Variants in SYNJ1 observed in about 807,000 individuals in gnomAD.
The protein encoded by SYNJ1 is synaptojanin 1.
Under a neutral mutation model 168.2 loss-of-function variants are expected in SYNJ1, and 78 were observed. The observed-to-expected ratio is 0.46, with a 90% confidence interval of 0.39 to 0.56. The LOEUF is 0.56. Among genes scored for constraint, SYNJ1 ranks in the 20% least tolerant of loss-of-function variants. The pLI is 0.00. For synonymous variants in SYNJ1, 539 were observed against 548.6 expected (o/e 0.98, Z 0.24); for missense variants, 1,303 against 1,597.6 (o/e 0.82, Z 3.14).
At chr21:32,709,084 A>C (rs1374741537) in intron 2 of SYNJ1, among the ~76,000 whole-genome samples, 4 of 152,254 alleles carry the variant, frequency 2.6e-5, no homozygotes, top group Admixed American at 2.6e-4. Context: ...TCACAGAACA[A>C]TTAAAAAGCT....
At position 32,639,162 on chromosome 21, in the gene SYNJ1, C is replaced by A. The variant is rs369736234; in HGVS notation, c.3698-37G>T. 5.7e-5 allele frequency: 88 copies of A among 1,552,114 alleles called. No homozygotes were observed. The African/African-American group carries it at 1.1e-3, about 20-fold the overall frequency. Reference sequence around the variant, plus strand: ...GTGGTTGTCAGATGTTAGGTATATTCTAGAAAACCATGTTTTTTTCCTTCT... The same window carrying A: ...GTGGTTGTCAGATGTTAGGTATATTATAGAAAACCATGTTTTTTTCCTTCT... On this transcript the variant is annotated intron_variant, in intron 30 of 32. Coordinates refer to ENST00000674351, the MANE Select transcript of SYNJ1 (RefSeq NM_203446.3).
rs1268244855 is a variant in SYNJ1 at position 32,634,854 on chromosome 21, C to CA, written c.*3+6dup. On this transcript the variant is annotated splice_region_variant and intron_variant, in intron 32 of 32. Coordinates refer to ENST00000674351, the MANE Select transcript of SYNJ1 (RefSeq NM_203446.3). ...AACACATGTAAGATTGATAAATTGT[C>CA]AGATACCTGTTACCCTGATGGTTGC... 1 of 1,613,632 alleles carries CA rather than the reference C, an allele frequency of 6.2e-7. No individual in the cohort carries two copies. The highest frequency in any genetic ancestry group is 1.1e-5 in the South Asian group (1 of 91,060).
At chr21:32,657,944 C>T (rs1177502445) in intron 18 of SYNJ1, 72 bp from the exon 19 acceptor site, 2 of 1,221,648 alleles carry the variant, frequency 1.6e-6, no homozygotes. Context: ...GACAGTCATC[C>T]ATTAAATGTC....
intron 9 of SYNJ1, among the ~76,000 whole-genome samples, chr21:32,685,086 G>C (rs2041776088): frequency 6.6e-6 from 1 of 151,244 alleles, no homozygotes; most frequent in Non-Finnish European, 1.5e-5. Context: ...GGAGGCTGAG[G>C]CAGGAGACTG....
At chr21:32,678,074 A>G (rs2041481940) in intron 12 of SYNJ1, among the ~76,000 whole-genome samples, 1 of 152,168 alleles carries the variant, frequency 6.6e-6, no homozygotes. Context: ...TAAAAGACAC[A>G]GTGGAAGGTG....
chr21:32,672,836 T>C (rs1351020330), intron 14 of SYNJ1, among the ~76,000 whole-genome samples: 1 of 152,182 alleles, frequency 6.6e-6, no homozygotes, highest in Non-Finnish European at 1.5e-5. Flanking sequence ...TTTCTTATCT[T>C]AGTAACTAAA....
At chr21:32,690,145 A>G (rs1021230006) in intron 6 of SYNJ1, among the ~76,000 whole-genome samples, 5 of 152,218 alleles carry the variant, frequency 3.3e-5, no homozygotes, top group African/African-American at 1.2e-4. Context: ...TCCCCAACAC[A>G]TATATACATT....
intron 2 of SYNJ1, among the ~76,000 whole-genome samples, chr21:32,714,128 A>C (rs2042937976): frequency 1.3e-5 from 2 of 152,244 alleles, no homozygotes; most frequent in Non-Finnish European, 2.9e-5. Flanking sequence ...AAAAAAATAC[A>C]TTTGAGCAGA....
intron 2 of SYNJ1, among the ~76,000 whole-genome samples, chr21:32,722,189 G>GAAAAAA (rs869294126): frequency 8.9e-6 from 1 of 112,570 alleles, no homozygotes; most frequent in Non-Finnish European, 1.8e-5. Context: ...CCATCTCAAA[G>GAAAAAA]AAAAAAAAAA....
intron 9 of SYNJ1, among the ~76,000 whole-genome samples, chr21:32,685,007 G>A (rs148097429): frequency 0.011 from 1,625 of 151,198 alleles, 33 homozygotes; most frequent in African/African-American, 0.037. Flanking sequence ...GTGAAACCCC[G>A]TCTCTACTAA....
intron 15 of SYNJ1, among the ~76,000 whole-genome samples, chr21:32,668,756 T>C (rs928418685): frequency 4.6e-5 from 7 of 152,238 alleles, no homozygotes; most frequent in Non-Finnish European, 7.3e-5. Flanking sequence ...ATTTATAATA[T>C]GGATTCAGAA....
At chr21:32,684,178 T>G in intron 9 of SYNJ1, 59 bp from the exon 10 acceptor site, 1 of 1,499,682 alleles carries the variant, frequency 6.7e-7, no homozygotes, top group African/African-American at 1.4e-5. Context: ...AAACAAACAG[T>G]GAATAATTGA....
chr21:32,721,723 T>A (rs922581430), intron 2 of SYNJ1, among the ~76,000 whole-genome samples: 1 of 152,136 alleles, frequency 6.6e-6, no homozygotes, highest in Non-Finnish European at 1.5e-5. Context: ...ATAGTACTTA[T>A]AGAAATAATA....
chr21:32,705,628 A>C (rs1168841369), intron 2 of SYNJ1, among the ~76,000 whole-genome samples: 1 of 152,140 alleles, frequency 6.6e-6, no homozygotes, highest in East Asian at 1.9e-4. Context: ...AAACAATTAT[A>C]AAGGGAAAAA....
Position 32,645,742 on chromosome 21 carries a change from G to A in SYNJ1, c.3295C>T (p.Pro1099Ser). ...CGCTTGGGCTCCAAGGGCTGGGCGG[G>A]GTCTTTCTGCGGCAGCGGCGTTGCT... ...QPATPLPQKD[P>S]AQPLEPKRPP... Residue 1099 changes from proline (P) to serine (S), a missense_variant, in exon 25 of 33, where the codon CCC becomes TCC. By Grantham distance (74) the Pro-to-Ser change is moderately conservative. This residue lies in a region of SYNJ1 where 383 missense variants were observed against 388.8 expected (regional missense o/e 0.99). Transcript: ENST00000674351. 1 of 1,467,324 alleles carries A rather than the reference G, an allele frequency of 6.8e-7. No homozygotes were observed. The highest frequency in any genetic ancestry group is 1.4e-5 in the South Asian group (1 of 69,996). 90.9% of individuals were successfully genotyped at this position (1,467,324 alleles called of 1,614,324 possible).
intron 29 of SYNJ1, among the ~76,000 whole-genome samples, chr21:32,640,689 G>A (rs73361360): frequency 0.068 from 10,308 of 152,184 alleles, 669 homozygotes; most frequent in African/African-American, 0.17. Context: ...AGTCCCCTGC[G>A]TAGCTGGGAC....
chr21:32,707,599 AC>A (rs1161531784), intron 2 of SYNJ1, among the ~76,000 whole-genome samples: 1 of 152,036 alleles, frequency 6.6e-6, no homozygotes, highest in Non-Finnish European at 1.5e-5. Context: ...CTCGCAAAGT[AC>A]TGGGATTACA....
At chr21:32,673,110 T>G (rs1260883696) in intron 14 of SYNJ1, among the ~76,000 whole-genome samples, 2 of 152,156 alleles carry the variant, frequency 1.3e-5, no homozygotes, top group African/African-American at 4.8e-5. Context: ...GAAAAAAGAT[T>G]TTTTGTTTTA....
intron 2 of SYNJ1, among the ~76,000 whole-genome samples, chr21:32,708,039 T>G (rs559496645): frequency 6.6e-6 from 1 of 152,188 alleles, no homozygotes; most frequent in Non-Finnish European, 1.5e-5. Context: ...AACATTTTAC[T>G]TTATCATTGA....
Sources: allele counts gnomAD v4.1 joint callset (sites outside exome capture counted in the v4.1 genomes callset), GRCh38; gene constraint gnomAD v4.1.1; regional missense constraint gnomAD v4.1.1; transcripts MANE v1.5; gene names NCBI Gene and HGNC (gene_info 2026-07-23, HGNC 2026-07-21).